Variants in CYP2C18 observed in about 807,000 individuals in gnomAD.
The protein encoded by CYP2C18 is cytochrome P450 2C18.
Under a neutral mutation model 41.3 loss-of-function variants are expected in CYP2C18, and 38 were observed. That is an observed-to-expected ratio of 0.92 (90% CI 0.71 to 1.21). The LOEUF is 1.21. Among genes scored for constraint, CYP2C18 ranks in the 50% most tolerant of loss-of-function variants. The pLI, the probability that CYP2C18 is intolerant of heterozygous loss-of-function variation, is 0.00. For synonymous variants in CYP2C18, 236 were observed against 210.0 expected, an observed-to-expected ratio of 1.12 and a Z score of -1.07; for missense variants, 635 against 591.4, an observed-to-expected ratio of 1.07 and a Z score of -0.77.
intron 3 of CYP2C18, among the ~76,000 whole-genome samples, chr10:94,691,712 C>CAT (rs1182135376): frequency 3.3e-5 from 5 of 152,134 alleles, no homozygotes; most frequent in Non-Finnish European, 5.9e-5. Context: ...GCCCGCATTG[C>CAT]CAAGTCAATC....
intron 5 of CYP2C18, among the ~76,000 whole-genome samples, chr10:94,716,667 G>T (rs1847550968): frequency 6.6e-6 from 1 of 152,130 alleles, no homozygotes; most frequent in Admixed American, 6.6e-5. Context: ...GTTGATTTGG[G>T]GTGGAGAGTT....
At chr10:94,718,763 C>T (rs1428433474) in intron 5 of CYP2C18, among the ~76,000 whole-genome samples, 1 of 152,084 alleles carries the variant, frequency 6.6e-6, no homozygotes, top group African/African-American at 2.4e-5. Flanking sequence ...AATACTGGTA[C>T]TTTTTCCAGT....
chr10:94,715,748 G>A (rs1270404929), intron 5 of CYP2C18, among the ~76,000 whole-genome samples: 1 of 152,164 alleles, frequency 6.6e-6, no homozygotes, highest in Non-Finnish European at 1.5e-5. Context: ...AATAGTTTCA[G>A]AAGGAATGGT....
intron 3 of CYP2C18, among the ~76,000 whole-genome samples, chr10:94,693,396 C>T (rs147025407): frequency 0.012 from 1,802 of 152,236 alleles, 23 homozygotes; most frequent in Non-Finnish European, 0.017. Flanking sequence ...GATTGCATCA[C>T]GCTTCCTGTA....
At position 94,724,518 on chromosome 10, in the gene CYP2C18, C is replaced by T. The variant is rs377123025; in HGVS notation, c.1134C>T (p.Asn378=). 2.5e-6 allele frequency: 4 copies of T among 1,613,312 alleles called. No individual in the cohort carries two copies. In the African/African-American group the frequency reaches 5.3e-5, roughly 22 times the overall value. The stretch of plus-strand genomic sequence containing the variant: ...TGACCTGTGATGTTAAATTCAAAAA[C>T]TACCTCATCCCCAAGGTAAGCTTGT... ...HAVTCDVKFK[N]YLIPKGTTII... Residue 378 remains asparagine (N), a synonymous_variant, in exon 7 of 9, where the codon AAC becomes AAT. Transcript: ENST00000285979.
chr10:94,727,689 C>T (rs908897139), intron 7 of CYP2C18, among the ~76,000 whole-genome samples: 3 of 151,978 alleles, frequency 2.0e-5, no homozygotes, highest in South Asian at 2.1e-4. Flanking sequence ...CCACTCTCCA[C>T]ATTACTGGGA....
chr10:94,694,727 G>A (rs1026725733), intron 3 of CYP2C18, among the ~76,000 whole-genome samples, 190 bp from the exon 4 acceptor site: 2 of 152,150 alleles, frequency 1.3e-5, no homozygotes, highest in South Asian at 2.1e-4. Context: ...ACAAGCTAGG[G>A]TGGAATGATT....
At chr10:94,720,255 C>A in intron 5 of CYP2C18, 141 bp from the exon 6 acceptor site, 2 of 641,026 alleles carry the variant, frequency 3.1e-6, no homozygotes, top group Non-Finnish European at 5.2e-6. Flanking sequence ...CCACACCGTG[C>A]AATTGTTGTA....
Position 94,735,274 on chromosome 10 carries a change from T to C in CYP2C18, c.1303T>C (p.Cys435Arg). Residue 435 changes from cysteine to arginine, a missense_variant, in exon 9 of 9, where the codon TGT (cysteine) becomes CGT (arginine). Coordinates refer to ENST00000285979, the MANE Select transcript of CYP2C18 (RefSeq NM_000772.3). Reference sequence around the variant, plus strand: ...TCTCTTATTTTCAGGAAAACGGATGTGTATGGGAGAGGGCCTGGCCCGCAT... The same window carrying C: ...TCTCTTATTTTCAGGAAAACGGATGCGTATGGGAGAGGGCCTGGCCCGCAT... ...FMPFSAGKRM[C>R]MGEGLARMEL... 6.2e-7 allele frequency: 1 copy of C among 1,613,432 alleles called. No homozygotes were observed. Among genetic ancestry groups the C allele is most frequent in the Non-Finnish European group, 8.5e-7 (1 of 1,179,588 alleles).
chr10:94,692,073 A>G (rs543325314), intron 3 of CYP2C18, among the ~76,000 whole-genome samples: 15 of 152,334 alleles, frequency 9.8e-5, no homozygotes, highest in African/African-American at 3.4e-4. Context: ...TAAAAATCCT[A>G]GAAGAAAACC....
intron 7 of CYP2C18, among the ~76,000 whole-genome samples, chr10:94,726,211 T>A (rs983817650): frequency 1.2e-4 from 18 of 150,390 alleles, no homozygotes; most frequent in Admixed American, 2.0e-4. Context: ...ATTTTTTTTT[T>A]ATTATACTTT....
intron 4 of CYP2C18, among the ~76,000 whole-genome samples, chr10:94,704,906 C>T (rs1847309931): frequency 6.6e-6 from 1 of 152,074 alleles, no homozygotes; most frequent in African/African-American, 2.4e-5. Flanking sequence ...GAGAAATGTC[C>T]ATTGCTTTTC....
chr10:94,704,133 A>G lies in CYP2C18; in HGVS notation c.643-2651A>G, dbSNP rs116303800. Reference sequence around the variant, plus strand: ...AATGCAGAAATCACGGGCCTTCTGCATTGGTCTCGTTGGGAACCACAGACT... The same window carrying G: ...AATGCAGAAATCACGGGCCTTCTGCGTTGGTCTCGTTGGGAACCACAGACT... On this transcript the variant is annotated intron_variant, in intron 4 of 8. Transcript: ENST00000285979. Among the ~76,000 whole-genome samples, 709 of 152,038 alleles carry G rather than the reference A, an allele frequency of 4.7e-3. 4 individuals carry two copies. The highest frequency in any genetic ancestry group is 0.011 in the African/African-American group (467 of 41,482).
intron 3 of CYP2C18, 65 bp downstream of exon 3, chr10:94,688,339 G>A: frequency 1.3e-6 from 2 of 1,523,112 alleles, no homozygotes; most frequent in Non-Finnish European, 1.8e-6. Context: ...TTTTTAGATT[G>A]ATACATAACT....
At chr10:94,709,787 G>T (rs1013237036) in intron 5 of CYP2C18, among the ~76,000 whole-genome samples, 2 of 152,054 alleles carry the variant, frequency 1.3e-5, no homozygotes, top group African/African-American at 4.8e-5. Flanking sequence ...TATAGTGTGA[G>T]GTATGGGTAC....
chr10:94,718,075 T>C (rs1847585636), intron 5 of CYP2C18, among the ~76,000 whole-genome samples: 1 of 152,070 alleles, frequency 6.6e-6, no homozygotes, highest in African/African-American at 2.4e-5. Context: ...TATCAACTCT[T>C]CCAATCCATG....
At chr10:94,707,390 C>G (rs1847363198) in intron 5 of CYP2C18, among the ~76,000 whole-genome samples, 1 of 151,966 alleles carries the variant, frequency 6.6e-6, no homozygotes, top group Non-Finnish European at 1.5e-5. Flanking sequence ...TTTTGGTGTG[C>G]AGAACAGTGT....
chr10:94,691,598 C>A (rs1305387099), intron 3 of CYP2C18, among the ~76,000 whole-genome samples: 1 of 152,094 alleles, frequency 6.6e-6, no homozygotes, highest in Non-Finnish European at 1.5e-5. Flanking sequence ...GCCATACCAC[C>A]CAAGGTAATT....
chr10:94,694,410 C>T (rs969125551), intron 3 of CYP2C18, among the ~76,000 whole-genome samples: 1 of 152,194 alleles, frequency 6.6e-6, no homozygotes, highest in South Asian at 2.1e-4. Flanking sequence ...TTCCATCAAC[C>T]TGAATTTTCC....
Sources: gnomAD v4.1 joint callset for allele counts (sites outside exome capture counted in the v4.1 genomes callset) on GRCh38, gnomAD v4.1.1 for gene constraint, MANE v1.5 for transcripts, NCBI Gene and HGNC (gene_info 2026-07-23, HGNC 2026-07-21) for gene names.